Variants in SNTB2 observed in about 807,000 individuals in gnomAD.
SNTB2 encodes syntrophin beta 2, also known as beta-2-syntrophin.
Under a neutral mutation model 46.2 loss-of-function variants are expected in SNTB2, and 34 were observed. The ratio of observed to expected loss-of-function variants is 0.74; its 90% CI spans 0.56 to 0.98. The LOEUF (loss-of-function observed/expected upper bound fraction) is 0.98, where lower values mean the gene tolerates loss of function less well. Among genes scored for constraint, SNTB2 ranks in the 50% least tolerant of loss-of-function variants. The pLI is 0.00. For synonymous variants in SNTB2, 290 were observed against 312.6 expected (o/e 0.93, Z 0.76); for missense variants, 603 against 731.4 (o/e 0.82, Z 2.02).
chr16:69,284,274 G>A lies in SNTB2; in HGVS notation c.1345+30G>A, dbSNP rs1364458935. On this transcript the variant is annotated intron_variant, in intron 5 of 6. Transcript: ENST00000336278. ...AGATGCTGACTTTTTATTTCTAGTA[G>A]TAATTAAATAGAACTGTTATATAGT... 6 of 1,558,128 alleles carry A rather than the reference G, an allele frequency of 3.9e-6. No individual in the cohort carries two copies. In the East Asian group the frequency reaches 1.4e-4, roughly 35 times the overall value.
chr16:69,297,727 C>T (rs939426097), intron 5 of SNTB2, among the ~76,000 whole-genome samples: 10 of 151,998 alleles, frequency 6.6e-5, no homozygotes, highest in Admixed American at 5.2e-4. Flanking sequence ...ACCTGGCCAA[C>T]GTGGTGAAAC....
At position 69,257,591 on chromosome 16, in the gene SNTB2, G is replaced by T. The variant is rs371047823; in HGVS notation, c.795-2459G>T. ...CTCCCGAGTAGCTGGGACTACAGGC[G>T]CCCACCACCACGCCCGGCTAATTTT... On this transcript the variant is annotated intron_variant, in intron 2 of 6. Coordinates refer to ENST00000336278, the MANE Select transcript of SNTB2 (RefSeq NM_006750.4). Among the ~76,000 whole-genome samples, 6 of 151,902 alleles carry T rather than the reference G, an allele frequency of 3.9e-5. No homozygotes were observed. The East Asian group carries it at 9.7e-4, about 25-fold the overall frequency.
chr16:69,270,007 G>C (rs1050476876), intron 3 of SNTB2, 136 bp from the exon 4 acceptor site: 2 of 935,628 alleles, frequency 2.1e-6, no homozygotes, highest in Non-Finnish European at 3.4e-6. Flanking sequence ...AACTTGGTGA[G>C]ATGTTTCCTG....
chr16:69,303,748 A>G lies in SNTB2; in HGVS notation c.*2824A>G, dbSNP rs1357111890. 6.5e-6 allele frequency: 1 copy of G among 152,696 alleles called. No homozygotes were observed. The highest frequency in any genetic ancestry group is 1.5e-5 in the Non-Finnish European group (1 of 68,056). 9.5% of individuals were successfully genotyped at this position (152,696 alleles called of 1,614,324 possible). A position where few individuals can be genotyped will look rare whatever the true frequency, so the allele number is the denominator to read the frequency against. On this transcript the variant is annotated 3_prime_UTR_variant, in exon 7 of 7. Coordinates refer to ENST00000336278, the MANE Select transcript of SNTB2 (RefSeq NM_006750.4). ...TCCGCAAATGAAGTGCTCTCTAATG[A>G]ATGGGACACCATGATAAATATGTAT...
intron 4 of SNTB2, among the ~76,000 whole-genome samples, chr16:69,283,529 G>C (rs1463441949): frequency 6.6e-6 from 1 of 152,158 alleles, no homozygotes; most frequent in Non-Finnish European, 1.5e-5. Context: ...TTGGACAAGA[G>C]ATTGATGCTA....
chr16:69,246,875 A>G lies in SNTB2; in HGVS notation c.794+1060A>G, dbSNP rs1280128279. On this transcript the variant is annotated intron_variant, in intron 2 of 6. Transcript: ENST00000336278. ...AGATCACATGGACACAGGAAGGGGA[A>G]TATCACACTCTGGGGACTGTGGTGG... is the stretch of plus-strand genomic sequence containing the variant. 8.5e-4 allele frequency among the ~76,000 whole-genome samples: 103 copies of G among 121,400 alleles called. 1 individual carries two copies. Among genetic ancestry groups the G allele is most frequent in the Non-Finnish European group, 1.5e-3 (94 of 61,920 alleles). The allele number at this position is 121,400 out of a possible 152,430, so 79.6% of individuals were successfully genotyped here. A position where few individuals can be genotyped will look rare whatever the true frequency, so the allele number is the denominator to read the frequency against.
chr16:69,300,289 C>T (rs1164198446), intron 6 of SNTB2, among the ~76,000 whole-genome samples: 7 of 151,792 alleles, frequency 4.6e-5, no homozygotes, highest in African/African-American at 9.7e-5. Flanking sequence ...CTCGCTTTGT[C>T]GCCCAGGCTG....
chr16:69,308,788 G>A lies in SNTB2; in HGVS notation c.*7864G>A, dbSNP rs991685710. 1.3e-5 allele frequency: 2 copies of A among 151,986 alleles called. No individual in the cohort carries two copies. The highest frequency in any genetic ancestry group is 2.4e-5 in the African/African-American group (1 of 41,372). 9.4% of individuals were successfully genotyped at this position (151,986 alleles called of 1,614,324 possible). A position where few individuals can be genotyped will look rare whatever the true frequency, so the allele number is the denominator to read the frequency against. On this transcript the variant is annotated 3_prime_UTR_variant, in exon 7 of 7. Coordinates refer to ENST00000336278, the MANE Select transcript of SNTB2 (RefSeq NM_006750.4). ...TAAACAAGCCTTCTTTTTAAGTCTT[G>A]TTTGAAATTTAAGTCTCAGATCTTC...
chr16:69,245,603 C>A lies in SNTB2; in HGVS notation c.582C>A (p.Val194=). 1.2e-6 allele frequency: 2 copies of A among 1,613,612 alleles called. No homozygotes were observed. The highest frequency in any genetic ancestry group is 1.1e-5 in the South Asian group (1 of 90,988). The part of the protein sequence containing the change: ...KRAGKEVLLE[V]KFIREVTPYI... ...CTTCTTTGATTTTTTTGTTCATAGT[C>A]AAGTTCATCCGAGAAGTAACACCAT... The change falls in exon 2 of 7, where the codon GTC becomes GTA. Residue 194 remains valine (V), a splice_region_variant and synonymous_variant. Coordinates refer to ENST00000336278, the MANE Select transcript of SNTB2 (RefSeq NM_006750.4).
chr16:69,293,689 A>T (rs1965196389), intron 5 of SNTB2, among the ~76,000 whole-genome samples: 1 of 152,186 alleles, frequency 6.6e-6, no homozygotes, highest in African/African-American at 2.4e-5. Context: ...TTGAGCATTT[A>T]AAAAAGTGAA....
chr16:69,279,895 G>A (rs1489327578), intron 4 of SNTB2, among the ~76,000 whole-genome samples: 1 of 151,056 alleles, frequency 6.6e-6, no homozygotes, highest in African/African-American at 2.4e-5. Flanking sequence ...ATCATTCTTG[G>A]GTGTTTCTCA....
chr16:69,236,957 T>C (rs1396339385), intron 1 of SNTB2, among the ~76,000 whole-genome samples: 1 of 152,124 alleles, frequency 6.6e-6, no homozygotes, highest in Non-Finnish European at 1.5e-5. Flanking sequence ...ATAGTACTGG[T>C]TTAGATCCTG....
chr16:69,216,499 G>A lies in SNTB2; in HGVS notation c.580+28753G>A, dbSNP rs369976247. 1.3e-3 allele frequency among the ~76,000 whole-genome samples: 191 copies of A among 151,352 alleles called. 2 individuals carry two copies. The highest frequency in any genetic ancestry group is 6.8e-3 in the Middle Eastern group (2 of 294). ...GGAGTTCAAGACCAGTCTGGGCAAC[G>A]TGATGAAATCCCACCTCTACAATTA... is the stretch of plus-strand genomic sequence containing the variant. On this transcript the variant is annotated intron_variant, in intron 1 of 6. Transcript: ENST00000336278.
chr16:69,195,193 CAG>C (rs1490417869), intron 1 of SNTB2, among the ~76,000 whole-genome samples: 1 of 152,126 alleles, frequency 6.6e-6, no homozygotes, highest in Non-Finnish European at 1.5e-5. Flanking sequence ...CTTTTGAAGT[CAG>C]AGACGGAGAA....
chr16:69,203,566 C>A (rs1964186819), intron 1 of SNTB2, among the ~76,000 whole-genome samples: 1 of 151,890 alleles, frequency 6.6e-6, no homozygotes, highest in African/African-American at 2.4e-5. Flanking sequence ...CCTTGAATTT[C>A]TGGCCTCAAG....
rs137973730 is a variant in SNTB2 at position 69,210,019 on chromosome 16, ATT to A, written c.580+22296_580+22297del. On this transcript the variant is annotated intron_variant, in intron 1 of 6. Transcript: ENST00000336278. ...CTGACATTCTGATTTTTGTTATTTA[ATT>A]TTTTTTTTTTTTTTTTTTTTTTAGA... Among the ~76,000 whole-genome samples the A allele has an allele frequency of 4.2e-3, 515 of 122,166 alleles. 14 individuals carry two copies. In the South Asian group the frequency reaches 0.076, roughly 18 times the overall value. The allele number at this position is 122,166 out of a possible 152,430, so 80.1% of individuals were successfully genotyped here. A position where few individuals can be genotyped will look rare whatever the true frequency, so the allele number is the denominator to read the frequency against.
chr16:69,236,824 G>A (rs1964564474), intron 1 of SNTB2, among the ~76,000 whole-genome samples: 1 of 152,092 alleles, frequency 6.6e-6, no homozygotes, highest in Admixed American at 6.6e-5. Context: ...TAGCGGGTAG[G>A]GACAGAGAGT....
chr16:69,199,474 A>G (rs534269580), intron 1 of SNTB2, among the ~76,000 whole-genome samples: 2 of 152,026 alleles, frequency 1.3e-5, no homozygotes, highest in East Asian at 3.9e-4. Flanking sequence ...TCACGCCTGT[A>G]GTCCCAGCTA....
intron 3 of SNTB2, among the ~76,000 whole-genome samples, chr16:69,264,256 G>A (rs927418972): frequency 6.6e-6 from 1 of 152,184 alleles, no homozygotes; most frequent in Admixed American, 6.5e-5. Flanking sequence ...CAGCTAAGCC[G>A]AGGGCTCTCG....
Sources: allele counts gnomAD v4.1 joint callset (sites outside exome capture counted in the v4.1 genomes callset), GRCh38; gene constraint gnomAD v4.1.1; transcripts MANE v1.5; gene names NCBI Gene and HGNC (gene_info 2026-07-23, HGNC 2026-07-21).